Variants in KRT78 observed in about 807,000 individuals in gnomAD.
KRT78 encodes the protein keratin, type II cytoskeletal 78.
A neutral mutation model predicts 51.4 loss-of-function variants in KRT78; 55 were observed. That is an observed-to-expected ratio of 1.07 (90% confidence interval 0.86 to 1.34). KRT78 has a LOEUF of 1.34. Ranked by LOEUF, KRT78 falls within the 40% of genes most tolerant of loss-of-function variation. The pLI, the probability that KRT78 is intolerant of heterozygous loss-of-function variation, is 0.00. For missense variants in KRT78, 652 were observed against 649.4 expected, an observed-to-expected ratio of 1.00 and a Z score of -0.04; for synonymous variants, 291 against 264.3, an observed-to-expected ratio of 1.10 and a Z score of -0.98.
chr12:52,848,884 G>C lies in KRT78; in HGVS notation c.47C>G (p.Ser16Ter). The C allele has an allele frequency of 1.9e-6, 3 of 1,598,782 alleles. No homozygotes were observed. The highest frequency in any genetic ancestry group is 1.3e-5 in the African/African-American group (1 of 74,320). Residue 16 changes from serine (S) to a stop codon, truncating the protein, a stop_gained, in exon 1 of 9, where the codon TCA becomes TGA. Coordinates refer to ENST00000304620, the MANE Select transcript of KRT78 (RefSeq NM_173352.4). LOFTEE classifies it high-confidence loss of function. ...GCCCCTTGAGCGAGCAGAACAGGCT[G>C]AGCGAGCGCTGAAGCCCCTCTGGGC... Reference protein sequence around the residue: ...CRAQRGFSARSACSARSRGRS... With the variant: ...CRAQRGFSAR
chr12:52,842,810 CGGG>C (rs1940529477), intron 6 of KRT78, among the ~76,000 whole-genome samples: 1 of 150,920 alleles, frequency 6.6e-6, no homozygotes, highest in African/African-American at 2.4e-5. Flanking sequence ...CTCAGCTACT[CGGG>C]AGGCTGAGGC....
chr12:52,846,141 G>T, intron 4 of KRT78, 56 bp downstream of exon 4: 2 of 1,255,966 alleles, frequency 1.6e-6, no homozygotes, highest in Non-Finnish European at 2.3e-6. Flanking sequence ...GCCACAGGAA[G>T]CCTGCCCACC....
chr12:52,848,819 T>C lies in KRT78; in HGVS notation c.112A>G (p.Ser38Gly). ...CCCCCAAAGGAATTAAGGCTCCTGC[T>C]GCTGAAGCCGCCCCTGCTGCTGAAG... is the stretch of plus-strand genomic sequence containing the variant. ...GGFSSRGGFS[S>G]RSLNSFGGCL... Residue 38 changes from serine (S) to glycine (G), a missense_variant, in exon 1 of 9, where the codon AGC becomes GGC. Physicochemically the swap from Ser to Gly is moderately conservative, Grantham distance 56 (BLOSUM62 0). Coordinates refer to ENST00000304620, the MANE Select transcript of KRT78 (RefSeq NM_173352.4). 6.2e-7 allele frequency: 1 copy of C among 1,608,134 alleles called. No homozygotes were observed. Among genetic ancestry groups the C allele is most frequent in the East Asian group, 2.2e-5 (1 of 44,774 alleles).
intron 4 of KRT78, chr12:52,845,972 T>C: frequency 1.9e-6 from 1 of 525,150 alleles, no homozygotes; most frequent in Non-Finnish European, 3.3e-6. Context: ...AAAAAGCAAT[T>C]TTTTTATCTG....
At position 52,846,282 on chromosome 12, in the gene KRT78, C is replaced by G. The variant is rs2682343; in HGVS notation, c.671G>C (p.Gly224Ala). The change falls in exon 4 of 9, where the codon GGG becomes GCG. Residue 224 changes from glycine to alanine, a missense_variant. Transcript: ENST00000304620. ...DFVVLKKDVD[G>A]VFLSKMELEG... The stretch of plus-strand genomic sequence containing the variant: ...CAACTCCATCTTGCTCAGGAAAACC[C>G]CATCCACATCCTGGAGACAAGGGGA... 4.9e-3 allele frequency: 7,901 copies of G among 1,610,174 alleles called. 291 individuals are homozygous for G. The African/African-American group carries it at 0.087, about 18-fold the overall frequency.
chr12:52,841,331 A>T (rs577675027), intron 6 of KRT78, among the ~76,000 whole-genome samples: 2 of 151,870 alleles, frequency 1.3e-5, no homozygotes, highest in South Asian at 2.1e-4. Flanking sequence ...AAAATAAAAA[A>T]AAAAAATTAG....
chr12:52,843,425 C>T (rs995867138), intron 6 of KRT78, among the ~76,000 whole-genome samples: 1 of 146,402 alleles, frequency 6.8e-6, no homozygotes, highest in Non-Finnish European at 1.5e-5. Context: ...TGCAGTGGCT[C>T]ACACCTGTAA....
chr12:52,842,160 T>TGGTTTGGGTTGAAATGTG (rs149383002), intron 6 of KRT78, among the ~76,000 whole-genome samples: 1 of 152,048 alleles, frequency 6.6e-6, no homozygotes, highest in African/African-American at 2.4e-5. Context: ...ACCAGGAGGA[T>TGGTTTGGGTTGAAATGTG]GGTTCTGGAT....
intron 6 of KRT78, among the ~76,000 whole-genome samples, chr12:52,840,342 A>G (rs1465572452): frequency 6.6e-6 from 1 of 152,148 alleles, no homozygotes; most frequent in Non-Finnish European, 1.5e-5. Flanking sequence ...CCTAAATCCA[A>G]TGACTGGTGT....
At chr12:52,845,001 CT>C (rs869047176) in intron 4 of KRT78, among the ~76,000 whole-genome samples, 68 of 148,108 alleles carry the variant, frequency 4.6e-4, no homozygotes, top group African/African-American at 1.3e-3. Context: ...CCTCAGGCCT[CT>C]TTTTTTTTTC....
At chr12:52,843,372 A>AAG (rs1359199552) in intron 6 of KRT78, among the ~76,000 whole-genome samples, 3 of 130,054 alleles carry the variant, frequency 2.3e-5, no homozygotes, top group African/African-American at 2.9e-5. Context: ...TCTCAAAAAA[A>AAG]AGAGAGAGAG....
At chr12:52,847,742 G>A (rs887675484) in intron 2 of KRT78, among the ~76,000 whole-genome samples, 165 bp downstream of exon 2, 2 of 152,146 alleles carry the variant, frequency 1.3e-5, no homozygotes, top group Non-Finnish European at 2.9e-5. Flanking sequence ...ACCTGTAGCA[G>A]GTGGGCACCT....
At position 52,848,026 on chromosome 12, in the gene KRT78, A is replaced by T; in HGVS notation, c.480T>A (p.Pro160=). ...GCTGATCCAGGCAGGCCTCAAAGAC[A>T]GGCTCCAGGCCCTGCTGGCTGCCAC... is the stretch of plus-strand genomic sequence containing the variant. ...GLSGSQQGLE[P]VFEACLDQLR... Residue 160 remains proline (P), a synonymous_variant, in exon 2 of 9, where the codon CCT becomes CCA. Transcript: ENST00000304620. 1.9e-6 allele frequency: 3 copies of T among 1,614,174 alleles called. No individual in the cohort carries two copies. Among genetic ancestry groups the T allele is most frequent in the Non-Finnish European group, 8.5e-7 (1 of 1,180,004 alleles).
At position 52,848,631 on chromosome 12, in the gene KRT78, G is replaced by C; in HGVS notation, c.300C>G (p.Ile100Met). The stretch of plus-strand genomic sequence containing the variant: ...TCCGCACCACCTGGAACTGGGGATC[G>C]ATCTCAATCTTCAGTGGGGTCAGCA... ...QNLLTPLKIE[I>M]DPQFQVVRTQ... The change falls in exon 1 of 9, where the codon ATC becomes ATG. Residue 100 changes from isoleucine (I) to methionine (M), a missense_variant. Transcript: ENST00000304620. 6.2e-7 allele frequency: 1 copy of C among 1,613,992 alleles called. No individual in the cohort carries two copies. Among genetic ancestry groups the C allele is most frequent in the Admixed American group, 1.7e-5 (1 of 60,002 alleles).
At chr12:52,845,708 C>T (rs1940624176) in intron 4 of KRT78, among the ~76,000 whole-genome samples, 1 of 152,198 alleles carries the variant, frequency 6.6e-6, no homozygotes, top group South Asian at 2.1e-4. Context: ...GTAATCCCAG[C>T]ACTTTGGGAG....
At position 52,839,224 on chromosome 12, in the gene KRT78, CT is replaced by C. The variant is rs771874961; in HGVS notation, c.1451del (p.Lys484ArgfsTer23). The C allele has an allele frequency of 6.2e-7, 1 of 1,611,952 alleles. No individual in the cohort carries two copies. The highest frequency in any genetic ancestry group is 1.1e-5 in the South Asian group (1 of 90,504). The stretch of plus-strand genomic sequence containing the variant: ...CAGAGCAGGAATCCAAAACAGGGTC[CT>C]TCCCAGAGCCCAGAATGATGTTGGA... ...GGSNIILGSG[K>X]DPVLDSCSVS... On this transcript the variant is annotated frameshift_variant, in exon 9 of 9. Coordinates refer to ENST00000304620, the MANE Select transcript of KRT78 (RefSeq NM_173352.4). LOFTEE classifies it high-confidence loss of function.
chr12:52,846,478 T>C (rs1280616875), intron 3 of KRT78, among the ~76,000 whole-genome samples, 186 bp from the exon 4 acceptor site: 2 of 152,144 alleles, frequency 1.3e-5, no homozygotes, highest in Non-Finnish European at 2.9e-5. Flanking sequence ...CAACATCACC[T>C]TCAGGAAGTC....
intron 2 of KRT78, 88 bp from the exon 3 acceptor site, chr12:52,846,912 A>T: frequency 1.0e-6 from 1 of 964,222 alleles, no homozygotes; most frequent in Middle Eastern, 2.1e-4. Context: ...CCTGAAAAGG[A>T]CTCCTTGCCT....
rs200057884 is a variant in KRT78, at chr12:52,846,864, C to T, written c.600-40G>A. ...GAGAAGGATGCAGTTTGAGGCTCCA[C>T]GGTCAGAGCTCATGCCCCCATGTCC... is the stretch of plus-strand genomic sequence containing the variant. On this transcript the variant is annotated intron_variant, in intron 2 of 8. Transcript: ENST00000304620. 5.5e-5 allele frequency: 83 copies of T among 1,514,388 alleles called. 1 individual carries two copies. In the Admixed American group the frequency reaches 6.9e-4, roughly 13 times the overall value. 93.8% of individuals were successfully genotyped at this position (1,514,388 alleles called of 1,614,324 possible). A position where few individuals can be genotyped will look rare whatever the true frequency, so the allele number is the denominator to read the frequency against.
Sources: gnomAD v4.1 joint callset for allele counts (sites outside exome capture counted in the v4.1 genomes callset) on GRCh38, gnomAD v4.1.1 for gene constraint, MANE v1.5 for transcripts, NCBI Gene and HGNC (gene_info 2026-07-23, HGNC 2026-07-21) for gene names.